Variants in HIVEP3 observed in about 807,000 individuals in gnomAD.
The protein encoded by HIVEP3 is transcription factor HIVEP3.
Under a neutral mutation model 152.8 loss-of-function variants are expected in HIVEP3, and 49 were observed. The ratio of observed to expected loss-of-function variants is 0.32; its 90% CI spans 0.26 to 0.41. The LOEUF (loss-of-function observed/expected upper bound fraction) is 0.41. Among genes scored for constraint, HIVEP3 ranks in the 10% least tolerant of loss-of-function variants. HIVEP3 has a pLI of 1.00. For missense variants in HIVEP3, 2,790 were observed against 3,103.3 expected, an observed-to-expected ratio of 0.90 and a Z score of 2.40; for synonymous variants, 1,269 against 1,289.0, an observed-to-expected ratio of 0.98 and a Z score of 0.33.
rs527696363 is a variant in HIVEP3, at chr1:41,685,985, G to A, written c.-721+14931C>T. Among the ~76,000 whole-genome samples, 5 of 152,274 alleles carry A rather than the reference G, an allele frequency of 3.3e-5. No homozygotes were observed. In the South Asian group the frequency reaches 1.0e-3, roughly 32 times the overall value. ...AAATGGACTGGCTTATCATTTGGGGGTTGCCTCATGTCTTGATGAATTCTG... is the reference window on the plus strand; with the variant it reads ...AAATGGACTGGCTTATCATTTGGGGATTGCCTCATGTCTTGATGAATTCTG... On this transcript the variant is annotated intron_variant, in intron 2 of 8. Transcript: ENST00000372583.
At chr1:41,741,563 TGG>T (rs1389962484) in intron 1 of HIVEP3, among the ~76,000 whole-genome samples, 1 of 152,236 alleles carries the variant, frequency 6.6e-6, no homozygotes, top group East Asian at 1.9e-4. Context: ...ATCCTTGGCC[TGG>T]GGTCTCTAGC....
Position 41,815,966 on chromosome 1 carries a change from C to T in HIVEP3, c.-801+102447G>A, listed in dbSNP as rs114941979. Among the ~76,000 whole-genome samples the T allele has an allele frequency of 5.3e-3, 812 of 152,184 alleles. 5 individuals carry two copies. Among genetic ancestry groups the T allele is most frequent in the African/African-American group, 0.019 (770 of 41,508 alleles). On this transcript the variant is annotated intron_variant, in intron 1 of 8. Coordinates refer to ENST00000372583, the MANE Select transcript of HIVEP3 (RefSeq NM_024503.5). ...TTCAGAATTAAACCACTGAAGCCCACGTGCCGTTGATGCAATTAGTCACCT... is the reference window on the plus strand; with the variant it reads ...TTCAGAATTAAACCACTGAAGCCCATGTGCCGTTGATGCAATTAGTCACCT...
intron 1 of HIVEP3, among the ~76,000 whole-genome samples, chr1:41,947,145 G>T (rs1353392019): frequency 6.6e-6 from 1 of 152,172 alleles, no homozygotes; most frequent in Admixed American, 6.5e-5. Context: ...AGGGTTCAGG[G>T]ATAGACCCCA....
chr1:41,555,698 T>C (rs1462255086), intron 5 of HIVEP3, among the ~76,000 whole-genome samples: 1 of 152,226 alleles, frequency 6.6e-6, no homozygotes, highest in East Asian at 1.9e-4. Context: ...TGTGCAACCA[T>C]TACCACCATC....
intron 1 of HIVEP3, among the ~76,000 whole-genome samples, chr1:41,751,324 ATT>A (rs35864189): frequency 2.9e-5 from 3 of 104,546 alleles, no homozygotes; most frequent in East Asian, 2.9e-4. Context: ...ACTGACACAC[ATT>A]TTTTTTTTTT....
intron 5 of HIVEP3, among the ~76,000 whole-genome samples, chr1:41,531,357 G>A (rs1430147088): frequency 1.4e-5 from 2 of 144,840 alleles, no homozygotes; most frequent in Non-Finnish European, 3.0e-5. Flanking sequence ...GGGAGATGGA[G>A]GACAGGAGAG....
chr1:41,727,184 A>T (rs1292215548), intron 1 of HIVEP3, among the ~76,000 whole-genome samples: 1 of 152,170 alleles, frequency 6.6e-6, no homozygotes, highest in African/African-American at 2.4e-5. Context: ...CACGTGTGTC[A>T]TCTCCTTCTC....
At chr1:41,554,205 CTTTT>C (rs1643931178) in intron 5 of HIVEP3, among the ~76,000 whole-genome samples, 1 of 152,254 alleles carries the variant, frequency 6.6e-6, no homozygotes, top group African/African-American at 2.4e-5. Context: ...TCTTTTTACT[CTTTT>C]TTCTCTAAAC....
chr1:41,655,563 A>T (rs1645615931), intron 2 of HIVEP3, among the ~76,000 whole-genome samples: 1 of 135,670 alleles, frequency 7.4e-6, no homozygotes, highest in Non-Finnish European at 1.5e-5. Flanking sequence ...AGCCTGAGTG[A>T]CAGAGTGACA....
chr1:41,717,302 C>T (rs1646609669), intron 1 of HIVEP3, among the ~76,000 whole-genome samples: 1 of 152,246 alleles, frequency 6.6e-6, no homozygotes, highest in African/African-American at 2.4e-5. Flanking sequence ...GTGTCAGGCG[C>T]TATTCTAGGC....
In HIVEP3 at chr1:41,680,085, T is replaced by C. The variant is rs573140896; in HGVS notation, c.-721+20831A>G. Among the ~76,000 whole-genome samples, 67 of 152,352 alleles carry C rather than the reference T, an allele frequency of 4.4e-4. 1 individual carries two copies. In the South Asian group the frequency reaches 0.013, roughly 30 times the overall value. On this transcript the variant is annotated intron_variant, in intron 2 of 8. Coordinates refer to ENST00000372583, the MANE Select transcript of HIVEP3 (RefSeq NM_024503.5). ...GATGGGCCAGGATGGTTGAGCCTCC[T>C]TCTAAGAGACACTGGCTCTCACACC...
At chr1:41,973,362 G>A (rs1645241261) in intron 1 of HIVEP3, among the ~76,000 whole-genome samples, 1 of 152,210 alleles carries the variant, frequency 6.6e-6, no homozygotes, top group African/African-American at 2.4e-5. Flanking sequence ...CAAGATACCT[G>A]CTAGAGCCGC....
chr1:41,787,146 C>T (rs1649396429), intron 1 of HIVEP3, among the ~76,000 whole-genome samples: 1 of 152,086 alleles, frequency 6.6e-6, no homozygotes, highest in Admixed American at 6.6e-5. Context: ...TTCCAAAATG[C>T]TATCATTTTA....
intron 2 of HIVEP3, among the ~76,000 whole-genome samples, chr1:41,681,132 ACTGT>A (rs2124090530): frequency 6.8e-6 from 1 of 148,146 alleles, no homozygotes; most frequent in East Asian, 1.9e-4. Flanking sequence ...ATAGACAGAG[ACTGT>A]CTGCTGGAGT....
intron 2 of HIVEP3, among the ~76,000 whole-genome samples, chr1:41,643,224 G>A (rs1222824701): frequency 1.3e-5 from 2 of 152,182 alleles, no homozygotes; most frequent in Non-Finnish European, 2.9e-5. Context: ...GATGCCTGCT[G>A]ACTGCCATCA....
chr1:41,736,939 AG>A (rs1646927685), intron 1 of HIVEP3, among the ~76,000 whole-genome samples: 1 of 152,164 alleles, frequency 6.6e-6, no homozygotes, highest in Admixed American at 6.5e-5. Flanking sequence ...TAGTCACTCC[AG>A]GGCTGACTCT....
chr1:41,528,464 C>CCTCACA (rs1643094518), intron 5 of HIVEP3, among the ~76,000 whole-genome samples: 2 of 125,488 alleles, frequency 1.6e-5, no homozygotes, highest in South Asian at 2.8e-4. Flanking sequence ...CACACCCCAC[C>CCTCACA]CTCACCTTCA....
chr1:41,615,746 C>G (rs1644958703), intron 3 of HIVEP3, among the ~76,000 whole-genome samples: 1 of 150,838 alleles, frequency 6.6e-6, no homozygotes, highest in Non-Finnish European at 1.5e-5. Flanking sequence ...GACGGTCACT[C>G]CTGGGAGCAC....
chr1:41,669,832 C>A (rs1438065350), intron 2 of HIVEP3, among the ~76,000 whole-genome samples: 1 of 152,192 alleles, frequency 6.6e-6, no homozygotes, highest in Admixed American at 6.5e-5. Context: ...TAATTATTTA[C>A]AATAAGTCTC....
Sources: gnomAD v4.1 joint callset for allele counts (sites outside exome capture counted in the v4.1 genomes callset) on GRCh38, gnomAD v4.1.1 for gene constraint, MANE v1.5 for transcripts, NCBI Gene and HGNC (gene_info 2026-07-23, HGNC 2026-07-21) for gene names.